PCDH15: variants seen among roughly 807,000 people sequenced by gnomAD.
The protein encoded by PCDH15 is protocadherin-15.
PCDH15 carries 129 observed loss-of-function variants against 178.5 expected under a neutral mutation model. The observed-to-expected ratio is 0.72, with a 90% CI of 0.63 to 0.84. The LOEUF (loss-of-function observed/expected upper bound fraction) is 0.84. Among genes scored for constraint, PCDH15 ranks in the 40% least tolerant of loss-of-function variants. The pLI is 0.00. For missense variants in PCDH15, 2,230 were observed against 2,099.9 expected, an observed-to-expected ratio of 1.06 and a Z score of -1.21; for synonymous variants, 800 against 732.0, an observed-to-expected ratio of 1.09 and a Z score of -1.50.
chr10:55,083,082 A>G (rs781307102), intron 2 of PCDH15, among the ~76,000 whole-genome samples: 1 of 151,952 alleles, frequency 6.6e-6, no homozygotes, highest in Non-Finnish European at 1.5e-5. Flanking sequence ...AACCACAACC[A>G]GAAAAAGATA....
At chr10:53,979,191 A>G (rs2090426196) in intron 21 of PCDH15, among the ~76,000 whole-genome samples, 1 of 152,224 alleles carries the variant, frequency 6.6e-6, no homozygotes, top group Non-Finnish European at 1.5e-5. Context: ...TAATTAACTC[A>G]TAGTTCTGCA....
chr10:54,458,476 A>G (rs1486279532), intron 3 of PCDH15, among the ~76,000 whole-genome samples: 3 of 151,890 alleles, frequency 2.0e-5, no homozygotes, highest in African/African-American at 7.3e-5. Context: ...CTACATAACC[A>G]TTCGTGGTTC....
intron 18 of PCDH15, among the ~76,000 whole-genome samples, chr10:54,042,184 T>C (rs942242943): frequency 2.6e-4 from 39 of 152,168 alleles, no homozygotes; most frequent in Non-Finnish European, 5.6e-4. Flanking sequence ...TCTTGGGTGA[T>C]GGTAAATTCT....
In PCDH15 at chr10:54,079,363, T is replaced by G. The variant is rs773061675; in HGVS notation, c.2059A>C (p.Ile687Leu). ...GGCCTGCCATCTGAAGCTGTGATGA[T>G]CAGAATGTAGCGATCAGTGCTTTCC... is the stretch of plus-strand genomic sequence containing the variant. ...DRESTDRYIL[I>L]ITASDGRPDG... The change falls in exon 17 of 38, where the codon ATC becomes CTC. Residue 687 changes from isoleucine to leucine, a missense_variant. By Grantham distance (5) the Ile-to-Leu change is conservative. Transcript: ENST00000644397. The G allele has an allele frequency of 9.3e-6, 15 of 1,614,138 alleles. No individual in the cohort carries two copies. Among genetic ancestry groups the G allele is most frequent in the Non-Finnish European group, 1.2e-5 (14 of 1,179,988 alleles).
chr10:53,840,219 TTGGTGGGTTTTAAACTTTA>T (rs2132758102), intron 29 of PCDH15, 82 bp downstream of exon 29: 1 of 1,347,764 alleles, frequency 7.4e-7, no homozygotes, highest in South Asian at 1.2e-5. Context: ...CAGTAACTAT[TTGGTGGGTTTTAAACTTTA>T]AGTACTTATA....
chr10:55,511,330 C>A (rs577289598), intron 2 of PCDH15, among the ~76,000 whole-genome samples: 14 of 152,040 alleles, frequency 9.2e-5, no homozygotes, highest in African/African-American at 3.4e-4. Flanking sequence ...CTCCTGATTA[C>A]CTTGTATGTG....
intron 3 of PCDH15, among the ~76,000 whole-genome samples, chr10:54,825,848 T>C (rs1361054946): frequency 6.6e-6 from 1 of 152,122 alleles, no homozygotes; most frequent in Non-Finnish European, 1.5e-5. Flanking sequence ...ACTTAATTAG[T>C]GATGTTATTA....
At chr10:54,113,520 G>A (rs1396070062) in intron 15 of PCDH15, among the ~76,000 whole-genome samples, 1 of 151,996 alleles carries the variant, frequency 6.6e-6, no homozygotes, top group African/African-American at 2.4e-5. Flanking sequence ...TTTGTACCGT[G>A]TCCTCATATG....
rs187407308 is a variant in PCDH15, at chr10:55,261,020, G to A, written c.-156+58579C>T. 8.6e-5 allele frequency among the ~76,000 whole-genome samples: 13 copies of A among 151,930 alleles called. No homozygotes were observed. The East Asian group carries it at 2.5e-3, about 29-fold the overall frequency. ...GTGATGCTTCTGGGGTAATGTGATG[G>A]TCCACAAACACCAACACTAAAAATG... On this transcript the variant is annotated intron_variant, in intron 1 of 5. Transcript: ENST00000458638.
At chr10:54,702,026 CATACT>C (rs763122922) in intron 1 of PCDH15, among the ~76,000 whole-genome samples, 21 of 152,174 alleles carry the variant, frequency 1.4e-4, no homozygotes, top group Non-Finnish European at 2.4e-4. Flanking sequence ...GTACATGACA[CATACT>C]ATATAATCAA....
intron 3 of PCDH15, among the ~76,000 whole-genome samples, chr10:54,894,385 T>C: frequency 6.6e-6 from 1 of 152,108 alleles, no homozygotes; most frequent in Admixed American, 6.6e-5. Flanking sequence ...AAGCCTTAAG[T>C]GATAGCATAG....
chr10:53,865,075 T>C (rs1331355898), intron 27 of PCDH15, among the ~76,000 whole-genome samples: 1 of 152,052 alleles, frequency 6.6e-6, no homozygotes, highest in African/African-American at 2.4e-5. Context: ...CACTTTGACC[T>C]GGGTGATAGA....
chr10:54,381,386 T>C (rs79897892), intron 3 of PCDH15, among the ~76,000 whole-genome samples: 3 of 152,206 alleles, frequency 2.0e-5, no homozygotes, highest in African/African-American at 7.2e-5. Context: ...CTAGACAATA[T>C]TGGCAAGCAG....
chr10:53,952,428 T>A (rs1166379767), intron 23 of PCDH15, among the ~76,000 whole-genome samples: 1 of 152,168 alleles, frequency 6.6e-6, no homozygotes, highest in African/African-American at 2.4e-5. Context: ...GTAGCTCCTA[T>A]CCTCAAGCAG....
At chr10:54,164,668 G>A (rs1169975824) in intron 13 of PCDH15, among the ~76,000 whole-genome samples, 1 of 152,136 alleles carries the variant, frequency 6.6e-6, no homozygotes, top group African/African-American at 2.4e-5. Flanking sequence ...ATATGCTCTG[G>A]TGATAGCCAG....
intron 2 of PCDH15, among the ~76,000 whole-genome samples, chr10:54,640,269 G>A (rs1368940038): frequency 6.6e-6 from 1 of 151,154 alleles, no homozygotes; most frequent in Non-Finnish European, 1.5e-5. Flanking sequence ...TGTAAAAATT[G>A]GAAATTTTCT....
intron 2 of PCDH15, chr10:54,619,076 A>T (rs2093276471): frequency 6.6e-6 from 1 of 152,070 alleles, no homozygotes; most frequent in Non-Finnish European, 1.5e-5. Context: ...AAAGTCAAAC[A>T]CTGATCTTCA....
chr10:54,774,948 C>T lies in PCDH15; in HGVS notation c.-29+25977G>A, dbSNP rs1949531885. ...TTTTTTACTTTGAGGTTTACTTGAA[C>T]ATAAGCATCACCTTTGTAATTCCAC... On this transcript the variant is annotated intron_variant, in intron 1 of 37. Transcript: ENST00000644397. Among the ~76,000 whole-genome samples, 8 of 152,194 alleles carry T rather than the reference C, an allele frequency of 5.3e-5. No individual in the cohort carries two copies. The South Asian group carries it at 1.5e-3, about 28-fold the overall frequency.
chr10:55,509,134 TG>T, intron 2 of PCDH15, among the ~76,000 whole-genome samples: 1 of 151,858 alleles, frequency 6.6e-6, no homozygotes, highest in African/African-American at 2.4e-5. Flanking sequence ...CCAACCAATC[TG>T]TCGAGGTATG....
Sources: gnomAD v4.1 joint callset for allele counts (sites outside exome capture counted in the v4.1 genomes callset) on GRCh38, gnomAD v4.1.1 for gene constraint, MANE v1.5 for transcripts, NCBI Gene and HGNC (gene_info 2026-07-23, HGNC 2026-07-21) for gene names.